Variants in IGSF21 observed in about 807,000 individuals in gnomAD.
The protein encoded by IGSF21 is immunoglobin superfamily member 21.
Under a neutral mutation model 46.8 loss-of-function variants are expected in IGSF21, and 28 were observed. That is an observed-to-expected ratio of 0.60 (90% CI 0.44 to 0.82). The LOEUF is 0.82. Among genes scored for constraint, IGSF21 ranks in the 40% least tolerant of loss-of-function variants. The probability of loss-of-function intolerance (pLI) is 0.00; values close to 1 mark genes in which losing one functional copy is unlikely to be tolerated. For missense variants in IGSF21, 624 were observed against 665.5 expected, an observed-to-expected ratio of 0.94 and a Z score of 0.69; for synonymous variants, 284 against 273.6, an observed-to-expected ratio of 1.04 and a Z score of -0.38.
chr1:18,260,462 C>G (rs1434782660), intron 2 of IGSF21, among the ~76,000 whole-genome samples: 1 of 152,240 alleles, frequency 6.6e-6, no homozygotes, highest in Non-Finnish European at 1.5e-5. Context: ...TGCGCAGCAG[C>G]CGCTGAGGGA....
At chr1:18,231,714 G>A (rs1430458431) in intron 2 of IGSF21, among the ~76,000 whole-genome samples, 4 of 152,172 alleles carry the variant, frequency 2.6e-5, no homozygotes, top group Non-Finnish European at 4.4e-5. Context: ...GACAGATGAA[G>A]TATAGCACGT....
intron 3 of IGSF21, among the ~76,000 whole-genome samples, chr1:18,298,720 A>C (rs556971082): frequency 6.6e-6 from 1 of 152,236 alleles, no homozygotes; most frequent in Non-Finnish European, 1.5e-5. Context: ...ATCGGTTCAC[A>C]TGTACACTCA....
intron 2 of IGSF21, among the ~76,000 whole-genome samples, chr1:18,240,339 G>C (rs1312545685): frequency 6.6e-6 from 1 of 152,230 alleles, no homozygotes; most frequent in Non-Finnish European, 1.5e-5. Flanking sequence ...CCTGTCTTTT[G>C]TGGAGCTTGT....
intron 4 of IGSF21, among the ~76,000 whole-genome samples, chr1:18,360,984 G>A (rs148932326): frequency 6.6e-6 from 1 of 152,242 alleles, no homozygotes; most frequent in East Asian, 1.9e-4. Context: ...ACGGTGTCTG[G>A]GAGCAAGGGT....
intron 1 of IGSF21, among the ~76,000 whole-genome samples, chr1:18,157,138 G>GA (rs961121965): frequency 1.8e-4 from 26 of 147,246 alleles, no homozygotes; most frequent in Admixed American, 2.7e-4. Flanking sequence ...AAAAAAGAAA[G>GA]AAAAAAAAAA....
chr1:18,274,347 A>G (rs1348749662), intron 2 of IGSF21, among the ~76,000 whole-genome samples: 2 of 152,246 alleles, frequency 1.3e-5, no homozygotes, highest in African/African-American at 4.8e-5. Flanking sequence ...GTTGGCCAGA[A>G]GAGGAGAAAC....
chr1:18,155,255 G>A (rs1330760097), intron 1 of IGSF21, among the ~76,000 whole-genome samples: 3 of 152,144 alleles, frequency 2.0e-5, no homozygotes, highest in Non-Finnish European at 2.9e-5. Flanking sequence ...CACCCAGCAC[G>A]GGATGGGACA....
intron 2 of IGSF21, among the ~76,000 whole-genome samples, chr1:18,275,964 T>C (rs917054208): frequency 6.6e-6 from 1 of 152,208 alleles, no homozygotes; most frequent in Non-Finnish European, 1.5e-5. Flanking sequence ...CCTCATGCCT[T>C]ATTGGAATTT....
intron 2 of IGSF21, among the ~76,000 whole-genome samples, chr1:18,231,402 G>A (rs1232526932): frequency 2.6e-5 from 4 of 152,166 alleles, no homozygotes; most frequent in Admixed American, 1.3e-4. Flanking sequence ...CAAGGGAGGG[G>A]AAGGAAATTG....
chr1:18,313,954 C>T (rs779097770), intron 3 of IGSF21, among the ~76,000 whole-genome samples: 7 of 152,106 alleles, frequency 4.6e-5, no homozygotes, highest in East Asian at 3.8e-4. Flanking sequence ...CTCAGGAAGA[C>T]GTGAAAATTT....
chr1:18,258,481 G>A (rs541276082), intron 2 of IGSF21, among the ~76,000 whole-genome samples: 33 of 152,306 alleles, frequency 2.2e-4, no homozygotes, highest in Admixed American at 2.0e-3. Flanking sequence ...TGGATTGGGA[G>A]TCAGGAAACC....
In IGSF21 at chr1:18,288,181, G is replaced by A. The variant is rs191103367; in HGVS notation, c.184-3685G>A. Among the ~76,000 whole-genome samples the A allele has an allele frequency of 2.6e-5, 4 of 152,278 alleles. No homozygotes were observed. The East Asian group carries it at 7.7e-4, about 29-fold the overall frequency. ...AACCGAAATCAAACATTCAACTGGG[G>A]ATGGAGGAAATCAGCCTTGCTTCAT... On this transcript the variant is annotated intron_variant, in intron 2 of 9. Transcript: ENST00000251296.
intron 2 of IGSF21, among the ~76,000 whole-genome samples, chr1:18,276,057 T>A (rs1325962205): frequency 6.6e-6 from 1 of 152,226 alleles, no homozygotes; most frequent in Non-Finnish European, 1.5e-5. Flanking sequence ...ATCTGTTTCC[T>A]GCTGTGCCCT....
intron 4 of IGSF21, among the ~76,000 whole-genome samples, chr1:18,336,595 C>A (rs1048329737): frequency 1.3e-5 from 2 of 152,014 alleles, no homozygotes; most frequent in Non-Finnish European, 2.9e-5. Context: ...GAAGACACTG[C>A]GCTAAGGCCT....
intron 1 of IGSF21, among the ~76,000 whole-genome samples, chr1:18,139,669 G>A (rs755164293): frequency 6.6e-6 from 1 of 152,228 alleles, no homozygotes; most frequent in Non-Finnish European, 1.5e-5. Context: ...TGTGACCTAG[G>A]CCTCATTATC....
chr1:18,269,991 C>T (rs867777011), intron 2 of IGSF21, among the ~76,000 whole-genome samples: 2 of 152,168 alleles, frequency 1.3e-5, no homozygotes, highest in Non-Finnish European at 2.9e-5. Flanking sequence ...CTGGAGGTAA[C>T]CTTCTAAGGA....
At chr1:18,331,926 AG>A (rs2085717367) in intron 3 of IGSF21, among the ~76,000 whole-genome samples, 2 of 152,162 alleles carry the variant, frequency 1.3e-5, no homozygotes, top group South Asian at 4.1e-4. Context: ...GGTGGAGGAC[AG>A]GTCTGGACAT....
intron 2 of IGSF21, among the ~76,000 whole-genome samples, chr1:18,264,995 C>T (rs1249805981): frequency 2.6e-5 from 4 of 152,198 alleles, no homozygotes; most frequent in African/African-American, 4.8e-5. Flanking sequence ...GTCACAATCC[C>T]GGCTCTTTTC....
At chr1:18,138,899 A>T (rs2086390058) in intron 1 of IGSF21, among the ~76,000 whole-genome samples, 1 of 152,228 alleles carries the variant, frequency 6.6e-6, no homozygotes, top group South Asian at 2.1e-4. Flanking sequence ...TGAGGCCCAG[A>T]GAGAGCCACA....
Sources: allele counts gnomAD v4.1 joint callset (sites outside exome capture counted in the v4.1 genomes callset), GRCh38; gene constraint gnomAD v4.1.1; transcripts MANE v1.5; gene names NCBI Gene and HGNC (gene_info 2026-07-23, HGNC 2026-07-21).